The following CHID1 variants were observed in gnomAD, a reference collection of about 807,000 sequenced individuals.
CHID1 encodes chitinase domain-containing protein 1.
In CHID1, 44 loss-of-function variants were observed where a neutral mutation model predicts 55.4. The observed-to-expected ratio is 0.79, with a 90% CI of 0.62 to 1.02. The LOEUF is 1.02. Among genes scored for constraint, CHID1 ranks in the 50% least tolerant of loss-of-function variants. The pLI is 0.00. For missense variants in CHID1, 491 were observed against 515.3 expected, an observed-to-expected ratio of 0.95 and a Z score of 0.46; for synonymous variants, 216 against 212.9, an observed-to-expected ratio of 1.01 and a Z score of -0.13.
intron 5 of CHID1, 90 bp from the exon 6 acceptor site, chr11:900,200 G>A: frequency 2.0e-6 from 2 of 988,574 alleles, no homozygotes; most frequent in Admixed American, 1.9e-5. Flanking sequence ...CATCCCCTTG[G>A]CCTCCAGAGG....
chr11:875,425 C>G lies in CHID1; in HGVS notation c.960-4926G>C, dbSNP rs1342709423. ...ATGCCAGCCAGTCCCTGCACCTGGC[C>G]CCATTGGGGATGTGCTCAGGAGCTG... is the stretch of plus-strand genomic sequence containing the variant. On this transcript the variant is annotated intron_variant, in intron 10 of 12. Transcript: ENST00000323578. The surrounding 1 kb of genome is among the most constrained non-coding windows in gnomAD (Gnocchi z 4.7). Among the ~76,000 whole-genome samples, 1 of 152,232 alleles carries G rather than the reference C, an allele frequency of 6.6e-6. No individual in the cohort carries two copies. Among genetic ancestry groups the G allele is most frequent in the Non-Finnish European group, 1.5e-5 (1 of 68,040 alleles).
Position 900,084 on chromosome 11 carries a change from T to A in CHID1, c.466A>T (p.Thr156Ser), listed in dbSNP as rs1345976427. 6.2e-7 allele frequency: 1 copy of A among 1,613,906 alleles called. No individual in the cohort carries two copies. The highest frequency in any genetic ancestry group is 1.3e-5 in the African/African-American group (1 of 75,014). Residue 156 changes from threonine (T) to serine (S), a missense_variant, in exon 6 of 13, where the codon ACT (threonine) becomes TCT (serine). By Grantham distance (58) the Thr-to-Ser change is moderately conservative. Coordinates refer to ENST00000323578, the MANE Select transcript of CHID1 (RefSeq NM_023947.4). ...IVPRLLFEDW[T>S]YDDFRNVLDS... is the part of the protein sequence containing the mutation. Reference sequence around the variant, plus strand: ...AAGACGTTCCGGAAATCATCGTAAGTCCAGTCCTCAAACAGGAGCCGAGGC... The same window carrying A: ...AAGACGTTCCGGAAATCATCGTAAGACCAGTCCTCAAACAGGAGCCGAGGC...
chr11:907,789 G>T (rs1389785274), intron 1 of CHID1, among the ~76,000 whole-genome samples: 12 of 152,166 alleles, frequency 7.9e-5, no homozygotes, highest in Non-Finnish European at 1.6e-4. Flanking sequence ...GTATATGGGA[G>T]CTCAGGCCCA....
chr11:900,386 GC>G (rs961189798), intron 5 of CHID1, among the ~76,000 whole-genome samples: 2 of 152,168 alleles, frequency 1.3e-5, no homozygotes, highest in African/African-American at 4.8e-5. Context: ...CATGGTTGTG[GC>G]CCCACCTTAC....
chr11:884,386 T>G (rs1397402077), intron 8 of CHID1, among the ~76,000 whole-genome samples: 1 of 152,098 alleles, frequency 6.6e-6, no homozygotes, highest in Non-Finnish European at 1.5e-5. Context: ...CCCAGAGGCC[T>G]CTCTGAGACC....
chr11:891,374 C>A (rs1443642446), intron 8 of CHID1, among the ~76,000 whole-genome samples: 7 of 152,226 alleles, frequency 4.6e-5, no homozygotes, highest in African/African-American at 1.4e-4. Flanking sequence ...CAGCTGCAAC[C>A]CCCACCAGCG....
chr11:905,389 C>T (rs1017715509), intron 1 of CHID1, among the ~76,000 whole-genome samples: 5 of 152,180 alleles, frequency 3.3e-5, no homozygotes, highest in Admixed American at 1.3e-4. Context: ...ATATTTGGGC[C>T]GGGTGCGGTG....
Position 870,457 on chromosome 11 carries a change from C to G in CHID1, c.1002G>C (p.Trp334Cys), listed in dbSNP as rs1849096715. The part of the protein sequence containing the change: ...TLKDHRPRMV[W>C]DSQASEHFFE... The stretch of plus-strand genomic sequence containing the variant: ...AGAAGTGCTCTGAGGCCTGGCTGTC[C>G]CACACCATCCGGGGCCTGTGGTCCT... Residue 334 changes from tryptophan (W) to cysteine (C), a missense_variant, in exon 11 of 13, where the codon TGG becomes TGC. Transcript: ENST00000323578. 1.2e-6 allele frequency: 2 copies of G among 1,612,236 alleles called. No homozygotes were observed. The highest frequency in any genetic ancestry group is 1.7e-6 in the Non-Finnish European group (2 of 1,179,424).
intron 8 of CHID1, among the ~76,000 whole-genome samples, chr11:891,428 G>A (rs1224123472): frequency 1.3e-5 from 2 of 152,224 alleles, no homozygotes; most frequent in Non-Finnish European, 2.9e-5. Context: ...TGGGGTGAGG[G>A]GCAGGGACCT....
upstream of CHID1, chr11:914,444 C>G (rs575093428): frequency 9.5e-7 from 1 of 1,053,546 alleles, no homozygotes; most frequent in Non-Finnish European, 1.3e-6. Context: ...AGGGGCAGGC[C>G]GGTGGGGTGA....
At chr11:901,089 C>A (rs1851776567) in intron 4 of CHID1, 109 bp from the exon 5 acceptor site, 28 of 962,196 alleles carry the variant, frequency 2.9e-5, no homozygotes, top group Non-Finnish European at 4.1e-5. Context: ...ATGGGAAGGG[C>A]AGGGGCGGGC....
chr11:902,872 C>A, intron 3 of CHID1, 90 bp downstream of exon 3: 1 of 1,253,512 alleles, frequency 8.0e-7, no homozygotes, highest in Non-Finnish European at 1.1e-6. Flanking sequence ...AGACCCCCAT[C>A]ACTGACTGGC....
chr11:909,120 G>A (rs184021478), intron 1 of CHID1, among the ~76,000 whole-genome samples: 1 of 152,324 alleles, frequency 6.6e-6, no homozygotes, highest in East Asian at 1.9e-4. Flanking sequence ...TGTGATGTGT[G>A]AGGGGTGCTC....
Position 869,972 on chromosome 11 carries a change from GGT to G in CHID1, c.1084-18_1084-17del, listed in dbSNP as rs779051397. On this transcript the variant is annotated splice_polypyrimidine_tract_variant and intron_variant, in intron 12 of 12. Coordinates refer to ENST00000323578, the MANE Select transcript of CHID1 (RefSeq NM_023947.4). Reference sequence around the variant, plus strand: ...CCTGCAGGGACTGGGCACAGATGGAGGTGTGAGCACCTGCTGGGGCCTGTCCC... The same window carrying G: ...CCTGCAGGGACTGGGCACAGATGGAGGTGAGCACCTGCTGGGGCCTGTCCC... 4 of 1,612,096 alleles carry G rather than the reference GGT, an allele frequency of 2.5e-6. No individual in the cohort carries two copies. The African/African-American group carries it at 5.3e-5, about 22-fold the overall frequency.
At chr11:870,028 G>C in intron 12 of CHID1, 72 bp from the exon 13 acceptor site, 6 of 1,606,534 alleles carry the variant, frequency 3.7e-6, no homozygotes, top group Non-Finnish European at 5.1e-6. Flanking sequence ...CCTCCAGGCC[G>C]AGGGGCAGCA....
intron 5 of CHID1, among the ~76,000 whole-genome samples, chr11:900,465 A>C (rs1851724376): frequency 6.6e-6 from 1 of 152,116 alleles, no homozygotes; most frequent in Admixed American, 6.5e-5. Flanking sequence ...AGCATCCCCC[A>C]GAGTCTCTCC....
In CHID1 at chr11:869,929, G is replaced by C. The variant is rs747733825; in HGVS notation, c.1111C>G (p.Arg371Gly). Reference protein sequence around the residue: ...KSLQVRLELARELGVGVSIWE... With the variant: ...KSLQVRLELAGELGVGVSIWE... ...ATAGAGACCCCAACGCCCAGCTCCC[G>C]GGCCAGCTCCAGCCGCACCTGCAGG... The change falls in exon 13 of 13, where the codon CGG becomes GGG. Residue 371 changes from arginine to glycine, a missense_variant. Coordinates refer to ENST00000323578, the MANE Select transcript of CHID1 (RefSeq NM_023947.4). 3 of 1,612,690 alleles carry C rather than the reference G, an allele frequency of 1.9e-6. No individual in the cohort carries two copies. Among genetic ancestry groups the C allele is most frequent in the South Asian group, 2.2e-5 (2 of 91,086 alleles).
chr11:872,846 C>A (rs1001184582), intron 10 of CHID1, among the ~76,000 whole-genome samples: 1 of 152,312 alleles, frequency 6.6e-6, no homozygotes, highest in South Asian at 2.1e-4. Context: ...ACGCCACACA[C>A]TCCTCCTCCT....
chr11:913,321 A>T (rs890349574), upstream of CHID1, among the ~76,000 whole-genome samples: 1 of 152,212 alleles, frequency 6.6e-6, no homozygotes, highest in Non-Finnish European at 1.5e-5. Flanking sequence ...AGGCCAATGC[A>T]TGAGTTACTG....
Sources: gnomAD v4.1 joint callset for allele counts (sites outside exome capture counted in the v4.1 genomes callset) on GRCh38, gnomAD v4.1.1 for gene constraint, Gnocchi (gnomAD v3.1) non-coding constraint, MANE v1.5 for transcripts, NCBI Gene and HGNC (gene_info 2026-07-23, HGNC 2026-07-21) for gene names.